The following ADGRG1 variants were observed in gnomAD, a reference collection of about 807,000 sequenced individuals.
ADGRG1 encodes 7-transmembrane protein with no EGF-like N-terminal domains-1.
ADGRG1 carries 53 observed loss-of-function variants against 73.5 expected under a neutral mutation model. That is an observed-to-expected ratio of 0.72 (90% CI 0.58 to 0.91). ADGRG1 has a LOEUF of 0.91. Among genes scored for constraint, ADGRG1 ranks in the 40% least tolerant of loss-of-function variants. The pLI, the probability that ADGRG1 is intolerant of heterozygous loss-of-function variation, is 0.00. For synonymous variants in ADGRG1, 394 were observed against 374.4 expected (o/e 1.05, Z -0.60); for missense variants, 795 against 871.8 (o/e 0.91, Z 1.11).
chr16:57,651,685 T>G, intron 3 of ADGRG1, 63 bp downstream of exon 3: 1 of 1,551,128 alleles, frequency 6.4e-7, no homozygotes, highest in Non-Finnish European at 8.7e-7. Flanking sequence ...GAAGGCAAAA[T>G]GCAAAGTGGA....
chr16:57,638,361 G>A (rs2039888262), intron 1 of ADGRG1, among the ~76,000 whole-genome samples: 1 of 152,218 alleles, frequency 6.6e-6, no homozygotes, highest in South Asian at 2.1e-4. Context: ...ACCTTGCAGA[G>A]TGGTAGAAAT....
upstream of ADGRG1, among the ~76,000 whole-genome samples, chr16:57,625,986 T>C (rs2035761774): frequency 6.6e-6 from 1 of 152,252 alleles, no homozygotes; most frequent in Non-Finnish European, 1.5e-5. Context: ...ACACGCTTAG[T>C]TCAGATCCTG....
intron 1 of ADGRG1, chr16:57,630,470 T>C (rs1434187523): frequency 1.8e-5 from 18 of 985,558 alleles, no homozygotes; most frequent in Non-Finnish European, 2.0e-5. Context: ...GCTCAGCTGC[T>C]AAATGGGTGT....
chr16:57,635,353 C>T (rs2039089674), intron 1 of ADGRG1: 1 of 985,272 alleles, frequency 1.0e-6, no homozygotes, highest in Non-Finnish European at 1.2e-6. Flanking sequence ...GGACCAGGTG[C>T]ACACGGTCTG....
chr16:57,646,717 G>A (rs1483338824), intron 1 of ADGRG1: 31 of 982,818 alleles, frequency 3.2e-5, no homozygotes, highest in Non-Finnish European at 3.7e-5. Flanking sequence ...TTGGCACCAC[G>A]CTCGTGTGAT....
chr16:57,626,736 G>A, upstream of ADGRG1: 1 of 985,410 alleles, frequency 1.0e-6, no homozygotes, highest in Non-Finnish European at 1.2e-6. Flanking sequence ...GTGGTGGTGG[G>A]GGGACAGCTG....
upstream of ADGRG1, chr16:57,625,616 C>T (rs1448757793): frequency 2.0e-6 from 2 of 981,438 alleles, no homozygotes; most frequent in Non-Finnish European, 2.4e-6. Flanking sequence ...CTTCTCACAC[C>T]TCCAATTCTG....
chr16:57,662,977 GC>G (rs1476164943), intron 13 of ADGRG1: 8 of 985,144 alleles, frequency 8.1e-6, no homozygotes, highest in Non-Finnish European at 9.6e-6. Flanking sequence ...TAACATTCAA[GC>G]CTTCATTCCT....
chr16:57,620,447 G>T (rs949231310), upstream of ADGRG1, among the ~76,000 whole-genome samples: 1 of 152,212 alleles, frequency 6.6e-6, no homozygotes, highest in African/African-American at 2.4e-5. Context: ...CAGGGCAAGG[G>T]TGACGCCGCG....
At chr16:57,653,818 T>C (rs1476658193) in intron 4 of ADGRG1, 168 bp from the exon 5 acceptor site, 1 of 985,046 alleles carries the variant, frequency 1.0e-6, no homozygotes, top group South Asian at 4.7e-5. Context: ...GCTTTTCTCT[T>C]TTGTCTGCTC....
At chr16:57,644,600 G>T (rs1483100475) in intron 1 of ADGRG1, among the ~76,000 whole-genome samples, 1 of 142,440 alleles carries the variant, frequency 7.0e-6, no homozygotes, top group Non-Finnish European at 1.5e-5. Flanking sequence ...ACACACTCAT[G>T]CAAGGGCACA....
intron 1 of ADGRG1, chr16:57,644,917 TCATGCACACACACAC>T: frequency 5.9e-6 from 1 of 169,462 alleles, no homozygotes; most frequent in Non-Finnish European, 9.5e-6. Context: ...ACTTCATAAC[TCATGCACACACACAC>T]TCATGCACGG....
intron 1 of ADGRG1, chr16:57,633,454 G>A (rs1050568020): frequency 1.0e-5 from 10 of 985,224 alleles, no homozygotes; most frequent in African/African-American, 8.7e-5. Flanking sequence ...CTCATGAGAC[G>A]CAGACCCTGT....
At chr16:57,622,492 C>T (rs778357945) in intron 2 of ADGRG1, among the ~76,000 whole-genome samples, 39 of 152,122 alleles carry the variant, frequency 2.6e-4, no homozygotes, top group Non-Finnish European at 5.3e-4. Context: ...CAGAGGACAC[C>T]GTGACATGCA....
intron 2 of ADGRG1, among the ~76,000 whole-genome samples, chr16:57,622,360 A>G (rs1262832377): frequency 2.6e-5 from 4 of 152,134 alleles, no homozygotes; most frequent in African/African-American, 9.6e-5. Context: ...GGCAGTTTTG[A>G]GCCCCCCAAC....
chr16:57,645,011 T>TG (rs1428952491), intron 1 of ADGRG1: 1 of 937,366 alleles, frequency 1.1e-6, no homozygotes, highest in Non-Finnish European at 1.3e-6. Context: ...CACTCATGCA[T>TG]GGGCGCACAC....
At chr16:57,651,782 G>A (rs1410218538) in intron 3 of ADGRG1, 160 bp downstream of exon 3, 3 of 1,498,912 alleles carry the variant, frequency 2.0e-6, no homozygotes, top group South Asian at 2.5e-5. Context: ...GGGGAGGAGT[G>A]TAATCCAAGT....
At chr16:57,633,338 G>A (rs1395552212) in intron 1 of ADGRG1, 15 of 985,142 alleles carry the variant, frequency 1.5e-5, no homozygotes, top group Non-Finnish European at 1.7e-5. Flanking sequence ...ATGACTTAGA[G>A]CAAGCGGCTG....
In ADGRG1 at chr16:57,662,252, A is replaced by G. The variant is rs9925305; in HGVS notation, c.1933+287A>G. Among the ~76,000 whole-genome samples the G allele has an allele frequency of 0.035, 5,327 of 152,226 alleles. 315 individuals are homozygous for G. Among genetic ancestry groups the G allele is most frequent in the African/African-American group, 0.12 (4,993 of 41,482 alleles). ...AGACTGCGCATGAGCAGGCAAGCAT[A>G]TAGCCATCAAAGGTGGTCCCAGATA... On this transcript the variant is annotated intron_variant, in intron 13 of 13. Coordinates refer to ENST00000562631, the MANE Select transcript of ADGRG1 (RefSeq NM_201525.4).
Sources: allele counts gnomAD v4.1 joint callset (sites outside exome capture counted in the v4.1 genomes callset), GRCh38; gene constraint gnomAD v4.1.1; transcripts MANE v1.5; gene names NCBI Gene and HGNC (gene_info 2026-07-23, HGNC 2026-07-21).